The following AKT2 variants were observed in gnomAD, a reference collection of about 807,000 sequenced individuals.
The protein encoded by AKT2 is AKT serine/threonine kinase 2.
Under a neutral mutation model 58.6 loss-of-function variants are expected in AKT2, and 16 were observed. The ratio of observed to expected loss-of-function variants is 0.27; its 90% CI spans 0.18 to 0.41. AKT2 has a LOEUF of 0.41. Among genes scored for constraint, AKT2 ranks in the 10% least tolerant of loss-of-function variants. The pLI, the probability that AKT2 is intolerant of heterozygous loss-of-function variation, is 1.00. For synonymous variants in AKT2, 253 were observed against 254.0 expected (o/e 1.00, Z 0.04); for missense variants, 438 against 661.0 (o/e 0.66, Z 3.70).
intron 4 of AKT2, among the ~76,000 whole-genome samples, chr19:40,254,644 A>G (rs1975406295): frequency 6.6e-6 from 1 of 151,040 alleles, no homozygotes; most frequent in South Asian, 2.1e-4. Context: ...CCTGGCTAAT[A>G]TGGAGAAGCC....
chr19:40,254,338 G>T (rs1320178570), intron 4 of AKT2, among the ~76,000 whole-genome samples: 1 of 152,066 alleles, frequency 6.6e-6, no homozygotes. Flanking sequence ...GACCAGTGTG[G>T]CCAACATGGC....
chr19:40,261,524 C>T (rs1168569621), intron 2 of AKT2, among the ~76,000 whole-genome samples: 1 of 136,764 alleles, frequency 7.3e-6, no homozygotes, highest in Non-Finnish European at 1.6e-5. Context: ...CAGAGCAAGA[C>T]TCCATCTCAA....
At position 40,232,415 on chromosome 19, in the gene AKT2, A is replaced by G. The variant is rs779462254; in HGVS notation, c.*1457T>C. 38 of 233,902 alleles carry G rather than the reference A, an allele frequency of 1.6e-4. 1 individual carries two copies. The highest frequency in any genetic ancestry group is 1.2e-3 in the Middle Eastern group (1 of 858). 14.5% of individuals were successfully genotyped at this position (233,902 alleles called of 1,614,324 possible). A position where few individuals can be genotyped will look rare whatever the true frequency, so the allele number is the denominator to read the frequency against. ...GCCAGTAGGGACGGAGAACTGTCAG[A>G]TAACAACATCGCACACAGAGGAAAA... is the stretch of plus-strand genomic sequence containing the variant. On this transcript the variant is annotated 3_prime_UTR_variant, in exon 14 of 14. Transcript: ENST00000392038.
intron 3 of AKT2, 137 bp downstream of exon 3, chr19:40,256,789 G>A: frequency 8.2e-6 from 11 of 1,345,568 alleles, no homozygotes; most frequent in Non-Finnish European, 1.1e-5. Context: ...GGAGAGCAGG[G>A]GAAGGGTGAA....
chr19:40,255,029 C>A (rs1281297718), intron 4 of AKT2, 129 bp downstream of exon 4: 2 of 730,616 alleles, frequency 2.7e-6, no homozygotes, highest in Non-Finnish European at 2.5e-6. Context: ...CTGGAGAGAC[C>A]CCCCAACCAG....
chr19:40,256,783 A>G (rs918514457), intron 3 of AKT2, 143 bp downstream of exon 3: 1 of 1,292,590 alleles, frequency 7.7e-7, no homozygotes, highest in Non-Finnish European at 1.1e-6. Flanking sequence ...AAGGAGGGAG[A>G]GCAGGGGAAG....
In AKT2 at chr19:40,242,705, T is replaced by G; in HGVS notation, c.288-18A>C. 1 of 1,608,198 alleles carries G rather than the reference T, an allele frequency of 6.2e-7. No homozygotes were observed. Among genetic ancestry groups the G allele is most frequent in the Non-Finnish European group, 8.5e-7 (1 of 1,179,864 alleles). The stretch of plus-strand genomic sequence containing the variant: ...ACTCCTCCCTGTGCAGGGACACACG[T>G]GAGTCCCAGCAGCCAGGAGTCCTGG... On this transcript the variant is annotated intron_variant, in intron 4 of 13. Coordinates refer to ENST00000392038, the MANE Select transcript of AKT2 (RefSeq NM_001626.6). This position sits in a 1 kb window ranked among gnomAD's most constrained non-coding sequence, Gnocchi z 4.3.
rs774180167 is a variant in AKT2 at position 40,275,241 on chromosome 19, C to T, written c.-84-9890G>A. The T allele has an allele frequency of 5.0e-5, 23 of 456,820 alleles. 1 individual carries two copies. The highest frequency in any genetic ancestry group is 4.7e-5 in the Admixed American group (2 of 42,588). The allele number at this position is 456,820 out of a possible 1,614,324, so 28.3% of individuals were successfully genotyped here. Reference sequence around the variant, plus strand: ...TCTTGTGTCGCCTCCTCCCACACCCCGGCCAGCCCTTCCTTACCGCCCCTG... The same window carrying T: ...TCTTGTGTCGCCTCCTCCCACACCCTGGCCAGCCCTTCCTTACCGCCCCTG... On this transcript the variant is annotated intron_variant, in intron 1 of 13. Transcript: ENST00000392038.
intron 1 of AKT2, among the ~76,000 whole-genome samples, chr19:40,272,221 C>G (rs561611266): frequency 3.0e-4 from 46 of 152,380 alleles, no homozygotes; most frequent in African/African-American, 1.1e-3. Flanking sequence ...CCCCACAACA[C>G]CATGCCACAC....
intron 2 of AKT2, among the ~76,000 whole-genome samples, chr19:40,259,759 C>T (rs1975805769): frequency 6.6e-6 from 1 of 152,160 alleles, no homozygotes; most frequent in South Asian, 2.1e-4. Context: ...TTAAAATGAG[C>T]AAAGGACTCA....
chr19:40,250,263 G>A (rs1364562208), intron 4 of AKT2, among the ~76,000 whole-genome samples: 1 of 152,072 alleles, frequency 6.6e-6, no homozygotes, highest in African/African-American at 2.4e-5. Context: ...AGCATTTTGG[G>A]AGGCCGAGGC....
At chr19:40,274,900 G>A in intron 1 of AKT2, 1 of 362,594 alleles carries the variant, frequency 2.8e-6, no homozygotes, top group Non-Finnish European at 5.5e-6. Context: ...CTGGGGAGTG[G>A]GGGAGGGGCA....
In AKT2 at chr19:40,235,599, G is replaced by C. The variant is rs936787687; in HGVS notation, c.1176-249C>G. Reference sequence around the variant, plus strand: ...CCTGAGTCCAGAAAGGGAGTTAGTAGGGCAGGCTCCGTTCCTATCCTGGCT... The same window carrying C: ...CCTGAGTCCAGAAAGGGAGTTAGTACGGCAGGCTCCGTTCCTATCCTGGCT... On this transcript the variant is annotated intron_variant, in intron 11 of 13. Coordinates refer to ENST00000392038, the MANE Select transcript of AKT2 (RefSeq NM_001626.6). This position sits in a 1 kb window ranked among gnomAD's most constrained non-coding sequence, Gnocchi z 6.3. 2 of 618,164 alleles carry C rather than the reference G, an allele frequency of 3.2e-6. No individual in the cohort carries two copies. The highest frequency in any genetic ancestry group is 3.7e-5 in the African/African-American group (2 of 54,536). 38.3% of individuals were successfully genotyped at this position (618,164 alleles called of 1,614,324 possible). A position where few individuals can be genotyped will look rare whatever the true frequency, so the allele number is the denominator to read the frequency against.
chr19:40,264,027 G>T (rs2145355633), intron 2 of AKT2, among the ~76,000 whole-genome samples: 1 of 152,220 alleles, frequency 6.6e-6, no homozygotes, highest in East Asian at 1.9e-4. Context: ...GTCTGCCTGG[G>T]AGCTGTCTGC....
At chr19:40,258,252 AAAAAAAAAAAAC>A (rs1164062807) in intron 2 of AKT2, among the ~76,000 whole-genome samples, 12 of 151,258 alleles carry the variant, frequency 7.9e-5, no homozygotes, top group African/African-American at 1.5e-4. Flanking sequence ...CTCGAAAAAA[AAAAAAAAAAAAC>A]AAAAAAAAAA....
chr19:40,281,795 G>C (rs1273025896), intron 1 of AKT2, among the ~76,000 whole-genome samples: 1 of 152,266 alleles, frequency 6.6e-6, no homozygotes, highest in Non-Finnish European at 1.5e-5. Flanking sequence ...CAGACCAACA[G>C]CTCACCATGT....
Position 40,235,374 on chromosome 19 carries a change from C to G in AKT2, c.1176-24G>C. 6.2e-7 allele frequency: 1 copy of G among 1,612,672 alleles called. No individual in the cohort carries two copies. The highest frequency in any genetic ancestry group is 8.5e-7 in the Non-Finnish European group (1 of 1,179,484). On this transcript the variant is annotated intron_variant, in intron 11 of 13. Coordinates refer to ENST00000392038, the MANE Select transcript of AKT2 (RefSeq NM_001626.6). This position sits in a 1 kb window ranked among gnomAD's most constrained non-coding sequence, Gnocchi z 6.3. ...GCCTGTGCAGAGACGGCCGTCAGCA[C>G]CTGCCTCCCGGAGCAGCTGGGTTCG...
At chr19:40,248,712 G>A (rs1974918856) in intron 4 of AKT2, among the ~76,000 whole-genome samples, 1 of 152,242 alleles carries the variant, frequency 6.6e-6, no homozygotes, top group Non-Finnish European at 1.5e-5. Flanking sequence ...AGCCAACAGA[G>A]AGGAGTGGAG....
intron 2 of AKT2, 32 bp downstream of exon 2, chr19:40,265,189 GA>G (rs1568560650): frequency 5.6e-6 from 9 of 1,608,234 alleles, no homozygotes; most frequent in Non-Finnish European, 6.8e-6. Flanking sequence ...CAGCGTGGGA[GA>G]AAGAATCTGG....
Sources: gnomAD v4.1 joint callset for allele counts (sites outside exome capture counted in the v4.1 genomes callset) on GRCh38, gnomAD v4.1.1 for gene constraint, Gnocchi (gnomAD v3.1) non-coding constraint, MANE v1.5 for transcripts, NCBI Gene and HGNC (gene_info 2026-07-23, HGNC 2026-07-21) for gene names.